Variants in OSBPL9 observed in about 807,000 individuals in gnomAD.
OSBPL9 encodes the protein oxysterol-binding protein-related protein 9.
Under a neutral mutation model 106.6 loss-of-function variants are expected in OSBPL9, and 40 were observed. The ratio of observed to expected loss-of-function variants is 0.38; its 90% CI spans 0.29 to 0.49. The LOEUF (loss-of-function observed/expected upper bound fraction) is 0.49, where lower values mean the gene tolerates loss of function less well. Ranked by LOEUF, OSBPL9 falls within the 20% of genes least tolerant of loss-of-function variation. OSBPL9 has a pLI of 0.97. For missense variants in OSBPL9, 609 were observed against 887.2 expected, an observed-to-expected ratio of 0.69 and a Z score of 3.98; for synonymous variants, 269 against 295.4, an observed-to-expected ratio of 0.91 and a Z score of 0.92.
chr1:51,730,240 C>T, intron 4 of OSBPL9: 7 of 1,045,254 alleles, frequency 6.7e-6, no homozygotes, highest in Non-Finnish European at 8.6e-6. Context: ...AGGGCATTCG[C>T]CCCCAAATGA....
At chr1:51,591,718 G>A (rs968341626) in intron 1 of OSBPL9, among the ~76,000 whole-genome samples, 4 of 152,162 alleles carry the variant, frequency 2.6e-5, no homozygotes, top group Non-Finnish European at 5.9e-5. Flanking sequence ...CTTGAATCCT[G>A]GAGGTGGAGG....
At chr1:51,676,876 G>C (rs72898031) in intron 3 of OSBPL9, among the ~76,000 whole-genome samples, 1 of 152,016 alleles carries the variant, frequency 6.6e-6, no homozygotes, top group Admixed American at 6.6e-5. Flanking sequence ...TATTAGTGGC[G>C]GTGTTGGTGT....
chr1:51,712,388 C>G (rs1022521661), intron 3 of OSBPL9, among the ~76,000 whole-genome samples: 4 of 151,782 alleles, frequency 2.6e-5, no homozygotes, highest in East Asian at 3.9e-4. Context: ...AGAGGGAGAC[C>G]GTGGAAAGAG....
chr1:51,580,952 A>ATG (rs1645218348), intron 1 of OSBPL9, among the ~76,000 whole-genome samples: 2 of 1,504 alleles, frequency 1.3e-3, no homozygotes, highest in African/African-American at 2.1e-3. Flanking sequence ...ATATATATAT[A>ATG]TAACTTTTTT....
intron 2 of OSBPL9, among the ~76,000 whole-genome samples, chr1:51,652,753 G>A (rs1332711100): frequency 6.6e-6 from 1 of 152,182 alleles, no homozygotes; most frequent in Non-Finnish European, 1.5e-5. Context: ...GCCTTATGGT[G>A]CAGACCTATA....
the OSBPL9 span, among the ~76,000 whole-genome samples, chr1:51,522,608 G>A: frequency 6.6e-6 from 1 of 152,188 alleles, no homozygotes; most frequent in Non-Finnish European, 1.5e-5. Context: ...TATTTTAGGA[G>A]AGGAAAAATG....
At chr1:51,549,841 A>C in the OSBPL9 span, among the ~76,000 whole-genome samples, 1 of 152,156 alleles carries the variant, frequency 6.6e-6, no homozygotes, top group Non-Finnish European at 1.5e-5. Context: ...TCAAAACAAA[A>C]CAAAACAAAA....
intron 9 of OSBPL9, among the ~76,000 whole-genome samples, chr1:51,758,153 T>C (rs1670731170): frequency 6.6e-6 from 1 of 152,146 alleles, no homozygotes; most frequent in Non-Finnish European, 1.5e-5. Context: ...ACTTTTAATA[T>C]ACATGTTGTC....
At chr1:51,597,740 T>C (rs1645310216) in intron 1 of OSBPL9, among the ~76,000 whole-genome samples, 1 of 152,148 alleles carries the variant, frequency 6.6e-6, no homozygotes, top group Non-Finnish European at 1.5e-5. Context: ...AATGACTGGC[T>C]CTAAAAATAA....
chr1:51,532,712 T>A, the OSBPL9 span, among the ~76,000 whole-genome samples: 2 of 151,986 alleles, frequency 1.3e-5, no homozygotes, highest in African/African-American at 4.8e-5. Flanking sequence ...AAAATGAGAA[T>A]GCAAGAGGAG....
At chr1:51,765,671 T>G in intron 11 of OSBPL9, 151 bp from the exon 12 acceptor site, 1 of 613,198 alleles carries the variant, frequency 1.6e-6, no homozygotes, top group Non-Finnish European at 2.7e-6. Context: ...TGTGTGGAGT[T>G]TAAATGTTGA....
chr1:51,652,945 CT>C (rs1462395706), intron 2 of OSBPL9, among the ~76,000 whole-genome samples: 4 of 152,140 alleles, frequency 2.6e-5, no homozygotes, highest in Non-Finnish European at 5.9e-5. Context: ...TTTCTTCCAC[CT>C]TTTTTTCTGC....
intron 3 of OSBPL9, among the ~76,000 whole-genome samples, chr1:51,678,396 C>G (rs558242314): frequency 2.1e-4 from 32 of 152,290 alleles, no homozygotes; most frequent in Non-Finnish European, 4.1e-4. Context: ...TGCAGTGGCT[C>G]ATGCCTGTAA....
chr1:51,737,200 A>G (rs1172967397), intron 4 of OSBPL9, among the ~76,000 whole-genome samples: 2 of 151,964 alleles, frequency 1.3e-5, no homozygotes, highest in African/African-American at 4.8e-5. Context: ...TTTTGCTTGG[A>G]AAGGTGTATC....
At chr1:51,742,678 G>A (rs1667184937) in intron 4 of OSBPL9, among the ~76,000 whole-genome samples, 1 of 152,124 alleles carries the variant, frequency 6.6e-6, no homozygotes, top group African/African-American at 2.4e-5. Context: ...TGAGTCTGCA[G>A]TGAGCCCTGA....
At chr1:51,610,877 A>G (rs756155822) in intron 2 of OSBPL9, among the ~76,000 whole-genome samples, 8 of 152,210 alleles carry the variant, frequency 5.3e-5, no homozygotes, top group Non-Finnish European at 7.3e-5. Context: ...CTGAGTCCTC[A>G]AAGAACCCAA....
At chr1:51,676,824 G>C (rs1028052553) in intron 3 of OSBPL9, among the ~76,000 whole-genome samples, 1 of 152,072 alleles carries the variant, frequency 6.6e-6, no homozygotes, top group Non-Finnish European at 1.5e-5. Flanking sequence ...AAACCCAATT[G>C]GGCATTGTTA....
intron 14 of OSBPL9, 30 bp downstream of exon 14, chr1:51,772,753 G>A (rs1674211271): frequency 8.3e-6 from 12 of 1,444,208 alleles, no homozygotes; most frequent in Non-Finnish European, 1.2e-5. Flanking sequence ...AAGTCTGTGT[G>A]GGTATGTATG....
chr1:51,547,918 A>T, the OSBPL9 span, among the ~76,000 whole-genome samples: 3 of 151,810 alleles, frequency 2.0e-5, no homozygotes, highest in African/African-American at 7.3e-5. Context: ...AAAGATGATA[A>T]ACTACCATGT....
Sources: allele counts gnomAD v4.1 joint callset (sites outside exome capture counted in the v4.1 genomes callset), GRCh38; gene constraint gnomAD v4.1.1; transcripts MANE v1.5; gene names NCBI Gene and HGNC (gene_info 2026-07-23, HGNC 2026-07-21).